UBE3C: variants seen among roughly 807,000 people sequenced by gnomAD.
UBE3C encodes ubiquitin-protein ligase E3C.
UBE3C carries 42 observed loss-of-function variants against 129.4 expected under a neutral mutation model. The observed-to-expected ratio is 0.32, with a 90% CI of 0.25 to 0.42. UBE3C has a LOEUF of 0.42. Ranked by LOEUF, UBE3C falls within the 10% of genes least tolerant of loss-of-function variation. The probability of loss-of-function intolerance (pLI) is 1.00; values close to 1 mark genes in which losing one functional copy is unlikely to be tolerated. For missense variants in UBE3C, 1,049 were observed against 1,319.1 expected, an observed-to-expected ratio of 0.80 and a Z score of 3.17; for synonymous variants, 510 against 492.4, an observed-to-expected ratio of 1.04 and a Z score of -0.47.
chr7:157,237,895 A>AAAG (rs1796194113), intron 18 of UBE3C, among the ~76,000 whole-genome samples: 1 of 151,148 alleles, frequency 6.6e-6, no homozygotes. Flanking sequence ...ACTAAAAAAA[A>AAAG]AAAAAAAGTA....
intron 13 of UBE3C, among the ~76,000 whole-genome samples, chr7:157,211,947 G>A (rs1013100357): frequency 6.6e-6 from 1 of 152,176 alleles, no homozygotes; most frequent in Non-Finnish European, 1.5e-5. Flanking sequence ...CAGCTGCTGC[G>A]TCATCTGGCA....
intron 18 of UBE3C, among the ~76,000 whole-genome samples, chr7:157,233,416 C>T (rs1163289780): frequency 1.3e-5 from 2 of 152,078 alleles, no homozygotes; most frequent in African/African-American, 4.8e-5. Flanking sequence ...GTAGCTGGGA[C>T]CACCGTTGCT....
At chr7:157,188,827 A>G (rs1393552287) in intron 10 of UBE3C, 1 of 413,002 alleles carries the variant, frequency 2.4e-6, no homozygotes, top group Admixed American at 4.2e-5. Context: ...AAGTATTTGA[A>G]AGATGATTAG....
rs531976264 is a variant in UBE3C at position 157,158,713 on chromosome 7, C to T, written c.67-5097C>T. Among the ~76,000 whole-genome samples, 4 of 152,342 alleles carry T rather than the reference C, an allele frequency of 2.6e-5. No homozygotes were observed. In the East Asian group the frequency reaches 7.7e-4, roughly 29 times the overall value. Reference sequence around the variant, plus strand: ...GAGCCCACTGATACTCTGAACTCAGCTAATCCTTTGCTTTGTCAGGCATGA... The same window carrying T: ...GAGCCCACTGATACTCTGAACTCAGTTAATCCTTTGCTTTGTCAGGCATGA... On this transcript the variant is annotated intron_variant, in intron 1 of 22. Coordinates refer to ENST00000348165, the MANE Select transcript of UBE3C (RefSeq NM_014671.3).
At position 157,253,941 on chromosome 7, in the gene UBE3C, T is replaced by G; in HGVS notation, c.2695-13T>G. On this transcript the variant is annotated splice_polypyrimidine_tract_variant and intron_variant, in intron 19 of 22. Coordinates refer to ENST00000348165, the MANE Select transcript of UBE3C (RefSeq NM_014671.3). ...TTTGAGGATTTTGAGATCCTTACGTTTTGTATTCCCAGGTAGTTGAACTAA... is the reference window on the plus strand; with the variant it reads ...TTTGAGGATTTTGAGATCCTTACGTGTTGTATTCCCAGGTAGTTGAACTAA... 1 of 1,568,046 alleles carries G rather than the reference T, an allele frequency of 6.4e-7. No individual in the cohort carries two copies. The highest frequency in any genetic ancestry group is 8.7e-7 in the Non-Finnish European group (1 of 1,153,910).
chr7:157,180,964 G>A (rs953702665), intron 6 of UBE3C, among the ~76,000 whole-genome samples: 2 of 152,226 alleles, frequency 1.3e-5, no homozygotes, highest in Non-Finnish European at 2.9e-5. Flanking sequence ...GGGGCCCCAG[G>A]TGGAGCAGCA....
At chr7:157,190,955 C>G (rs1340880418) in intron 10 of UBE3C, among the ~76,000 whole-genome samples, 1 of 152,174 alleles carries the variant, frequency 6.6e-6, no homozygotes, top group Non-Finnish European at 1.5e-5. Flanking sequence ...AATGTCTGGG[C>G]TGGCATGTTC....
At chr7:157,242,514 G>GTTTTTT (rs33913991) in intron 18 of UBE3C, among the ~76,000 whole-genome samples, 4 of 112,126 alleles carry the variant, frequency 3.6e-5, no homozygotes, top group Non-Finnish European at 5.4e-5. Context: ...AGCCTGAGTT[G>GTTTTTT]TTTTTTTTTT....
intron 1 of UBE3C, among the ~76,000 whole-genome samples, chr7:157,158,324 G>T (rs183467785): frequency 2.1e-4 from 32 of 152,292 alleles, no homozygotes; most frequent in Admixed American, 1.9e-3. Flanking sequence ...CCAAATTCCA[G>T]TGTGAAACCA....
chr7:157,249,130 A>G (rs1254064072), intron 19 of UBE3C, among the ~76,000 whole-genome samples: 2 of 152,174 alleles, frequency 1.3e-5, no homozygotes, highest in East Asian at 1.9e-4. Context: ...TTTTTAGTAC[A>G]TGATTGAGTG....
chr7:157,198,225 T>C, intron 10 of UBE3C: 1 of 1,450,610 alleles, frequency 6.9e-7, no homozygotes. Context: ...ACAAAAGGAA[T>C]TACCCAATCT....
chr7:157,231,407 G>A, intron 18 of UBE3C, 80 bp downstream of exon 18: 1 of 1,555,224 alleles, frequency 6.4e-7, no homozygotes, highest in Non-Finnish European at 8.7e-7. Flanking sequence ...TGTTATCCAG[G>A]TTTACCATAA....
intron 1 of UBE3C, chr7:157,140,056 C>T (rs1486254610): frequency 2.0e-6 from 2 of 984,860 alleles, no homozygotes; most frequent in Non-Finnish European, 1.2e-6. Context: ...ACCATGACGC[C>T]TCTGTTCTAG....
chr7:157,167,526 CCT>C (rs905157555), intron 2 of UBE3C, among the ~76,000 whole-genome samples: 69 of 150,940 alleles, frequency 4.6e-4, no homozygotes, highest in African/African-American at 1.7e-3. Context: ...ATATAAAATG[CCT>C]CTCTCTCTCT....
At chr7:157,186,361 G>C (rs1198304888) in intron 9 of UBE3C, among the ~76,000 whole-genome samples, 1 of 151,778 alleles carries the variant, frequency 6.6e-6, no homozygotes, top group Non-Finnish European at 1.5e-5. Context: ...GGAGGTTGCA[G>C]TGAGCCGAGA....
At chr7:157,231,453 G>A in intron 18 of UBE3C, 126 bp downstream of exon 18, 1 of 1,425,700 alleles carries the variant, frequency 7.0e-7, no homozygotes. Flanking sequence ...GCTAAATGTT[G>A]CAAAAGCACT....
At chr7:157,170,833 T>C (rs1808348045) in intron 4 of UBE3C, among the ~76,000 whole-genome samples, 1 of 152,078 alleles carries the variant, frequency 6.6e-6, no homozygotes, top group South Asian at 2.1e-4. Context: ...AAATACAAGG[T>C]CTCAGTGTTT....
intron 14 of UBE3C, among the ~76,000 whole-genome samples, chr7:157,219,175 G>A (rs917415926): frequency 6.6e-6 from 1 of 152,168 alleles, no homozygotes; most frequent in Non-Finnish European, 1.5e-5. Flanking sequence ...TGGTGTGTTG[G>A]CCTCCCAGGA....
chr7:157,242,086 A>G (rs1796346174), intron 18 of UBE3C, among the ~76,000 whole-genome samples: 1 of 152,242 alleles, frequency 6.6e-6, no homozygotes, highest in Admixed American at 6.5e-5. Context: ...ATGGTCATAC[A>G]ACTTTACGAA....
Sources: gnomAD v4.1 joint callset for allele counts (sites outside exome capture counted in the v4.1 genomes callset) on GRCh38, gnomAD v4.1.1 for gene constraint, MANE v1.5 for transcripts, NCBI Gene and HGNC (gene_info 2026-07-23, HGNC 2026-07-21) for gene names.